The following SORCS3 variants were observed in gnomAD, a reference collection of about 807,000 sequenced individuals.
The protein encoded by SORCS3 is VPS10 domain-containing receptor SorCS3.
In SORCS3, 57 loss-of-function variants were observed where a neutral mutation model predicts 146.3. That is an observed-to-expected ratio of 0.39 (90% CI 0.31 to 0.49). The LOEUF (loss-of-function observed/expected upper bound fraction) is 0.49. Among genes scored for constraint, SORCS3 ranks in the 20% least tolerant of loss-of-function variants. SORCS3 has a pLI of 0.92. For synonymous variants in SORCS3, 653 were observed against 618.5 expected, an observed-to-expected ratio of 1.06 and a Z score of -0.83; for missense variants, 1,341 against 1,575.5, an observed-to-expected ratio of 0.85 and a Z score of 2.52.
intron 1 of SORCS3, among the ~76,000 whole-genome samples, chr10:104,760,693 G>T (rs1371560523): frequency 6.6e-6 from 1 of 152,154 alleles, no homozygotes; most frequent in Non-Finnish European, 1.5e-5. Flanking sequence ...GACATGAGAG[G>T]CAGACACTGT....
chr10:105,120,668 T>C (rs1296200135), intron 7 of SORCS3, among the ~76,000 whole-genome samples: 2 of 152,208 alleles, frequency 1.3e-5, no homozygotes, highest in Non-Finnish European at 2.9e-5. Context: ...TGTTGCTTGC[T>C]AGGTCAATTT....
At chr10:105,056,403 A>G (rs981441912) in intron 5 of SORCS3, among the ~76,000 whole-genome samples, 2 of 151,956 alleles carry the variant, frequency 1.3e-5, no homozygotes, top group African/African-American at 4.8e-5. Flanking sequence ...CTCTGTTAGG[A>G]AAAAAAAGTT....
chr10:104,730,148 C>T (rs1018321119), intron 1 of SORCS3, among the ~76,000 whole-genome samples: 15 of 152,096 alleles, frequency 9.9e-5, no homozygotes, highest in African/African-American at 3.4e-4. Context: ...GAAGAGTGGA[C>T]GTCAGAGCAT....
chr10:104,773,633 A>G (rs982846697), intron 1 of SORCS3, among the ~76,000 whole-genome samples: 1 of 152,228 alleles, frequency 6.6e-6, no homozygotes, highest in Admixed American at 6.5e-5. Context: ...AGGGAGGCAG[A>G]CACTGCTGTG....
At chr10:105,236,143 C>T (rs1402725605) in intron 20 of SORCS3, among the ~76,000 whole-genome samples, 2 of 151,972 alleles carry the variant, frequency 1.3e-5, no homozygotes, top group African/African-American at 4.8e-5. Context: ...TATTCTTCAC[C>T]AGGAAAACAG....
intron 2 of SORCS3, among the ~76,000 whole-genome samples, chr10:104,872,016 C>G (rs1329895628): frequency 6.6e-6 from 1 of 152,078 alleles, no homozygotes; most frequent in East Asian, 1.9e-4. Context: ...TCACACTGAC[C>G]CATTGATTCA....
intron 1 of SORCS3, among the ~76,000 whole-genome samples, chr10:104,791,560 TA>T (rs1237574290): frequency 6.6e-6 from 1 of 152,208 alleles, no homozygotes; most frequent in Non-Finnish European, 1.5e-5. Context: ...AGTGTAAACT[TA>T]TAAACCATTG....
In SORCS3 at chr10:104,786,911, A is replaced by G. The variant is rs958192434; in HGVS notation, c.628-55881A>G. On this transcript the variant is annotated intron_variant, in intron 1 of 26. Coordinates refer to ENST00000369701, the MANE Select transcript of SORCS3 (RefSeq NM_014978.3). ...CCACCACCCCAAGGCAGCACTGCCCACTCCTGCTTTTCAGTGCCCTCTGCA... is the reference window on the plus strand; with the variant it reads ...CCACCACCCCAAGGCAGCACTGCCCGCTCCTGCTTTTCAGTGCCCTCTGCA... 7.9e-5 allele frequency among the ~76,000 whole-genome samples: 12 copies of G among 152,148 alleles called. No individual in the cohort carries two copies. The South Asian group carries it at 1.0e-3, about 13-fold the overall frequency.
At chr10:105,079,249 C>T (rs1449489516) in intron 5 of SORCS3, among the ~76,000 whole-genome samples, 1 of 152,170 alleles carries the variant, frequency 6.6e-6, no homozygotes, top group Non-Finnish European at 1.5e-5. Flanking sequence ...TTGCTCCAGA[C>T]CAATTACTCC....
intron 1 of SORCS3, among the ~76,000 whole-genome samples, chr10:104,703,454 A>AT (rs2016303079): frequency 6.6e-6 from 1 of 152,100 alleles, no homozygotes; most frequent in Admixed American, 6.6e-5. Context: ...TTTGATTTGC[A>AT]TTTCTCTGAT....
At chr10:105,159,132 T>G (rs887487522) in intron 11 of SORCS3, 138 bp downstream of exon 11, 23 of 593,290 alleles carry the variant, frequency 3.9e-5, no homozygotes, top group African/African-American at 5.6e-5. Flanking sequence ...GCAGGGTTCC[T>G]CAATACCCAT....
At chr10:105,176,905 T>A (rs2119555644) in intron 13 of SORCS3, among the ~76,000 whole-genome samples, 1 of 150,278 alleles carries the variant, frequency 6.7e-6, no homozygotes, top group South Asian at 2.1e-4. Flanking sequence ...GAATCAGACA[T>A]CTTATTTACC....
intron 9 of SORCS3, among the ~76,000 whole-genome samples, chr10:105,148,849 G>A (rs58274305): frequency 0.035 from 5,323 of 152,178 alleles, 150 homozygotes; most frequent in East Asian, 0.16. Flanking sequence ...GAGTGATAAG[G>A]TTTGGTTCTG....
intron 1 of SORCS3, among the ~76,000 whole-genome samples, chr10:104,839,308 T>C (rs1179259412): frequency 6.6e-6 from 1 of 152,072 alleles, no homozygotes; most frequent in Non-Finnish European, 1.5e-5. Context: ...GAGAGAACAT[T>C]TTTGATGTCT....
At position 105,096,543 on chromosome 10, in the gene SORCS3, C is replaced by T. The variant is rs538722055; in HGVS notation, c.1093+6704C>T. Among the ~76,000 whole-genome samples, 19 of 152,184 alleles carry T rather than the reference C, an allele frequency of 1.2e-4. No individual in the cohort carries two copies. The East Asian group carries it at 1.4e-3, about 11-fold the overall frequency. ...TTGCAACACATTATGCTAAAGGCCA[C>T]GGAGATTCTGCTGTAAGTATCATGG... On this transcript the variant is annotated intron_variant, in intron 6 of 26. Coordinates refer to ENST00000369701, the MANE Select transcript of SORCS3 (RefSeq NM_014978.3).
intron 20 of SORCS3, among the ~76,000 whole-genome samples, chr10:105,242,657 CATTTATATATATTTATATAT>C (rs1197017462): frequency 1.5e-5 from 1 of 65,612 alleles, no homozygotes; most frequent in Non-Finnish European, 2.7e-5. Flanking sequence ...TATTTATATA[CATTTATATATATTTATATAT>C]ATTTATATAC....
intron 1 of SORCS3, among the ~76,000 whole-genome samples, chr10:104,823,629 G>T (rs1355498994): frequency 1.3e-5 from 2 of 152,076 alleles, no homozygotes; most frequent in African/African-American, 2.4e-5. Flanking sequence ...GGTCCTAAAA[G>T]GTCACTGACT....
chr10:104,928,528 CGA>C (rs2019173627), intron 3 of SORCS3, among the ~76,000 whole-genome samples: 1 of 131,566 alleles, frequency 7.6e-6, no homozygotes, highest in African/African-American at 3.6e-5. Flanking sequence ...AGAAATGACT[CGA>C]TTTTTTTTTC....
chr10:104,765,224 T>A (rs2017165859), intron 1 of SORCS3, among the ~76,000 whole-genome samples: 1 of 152,230 alleles, frequency 6.6e-6, no homozygotes, highest in Admixed American at 6.5e-5. Flanking sequence ...TCCTTGAGTG[T>A]GATGAGACAG....
Sources: allele counts gnomAD v4.1 joint callset (sites outside exome capture counted in the v4.1 genomes callset), GRCh38; gene constraint gnomAD v4.1.1; transcripts MANE v1.5; gene names NCBI Gene and HGNC (gene_info 2026-07-23, HGNC 2026-07-21).